NTM: variants seen among roughly 807,000 people sequenced by gnomAD.
NTM encodes the protein neurotrimin.
Under a neutral mutation model 42.1 loss-of-function variants are expected in NTM, and 13 were observed. That is an observed-to-expected ratio of 0.31 (90% CI 0.20 to 0.49). The LOEUF is 0.49. Among genes scored for constraint, NTM ranks in the 20% least tolerant of loss-of-function variants. The pLI, the probability that NTM is intolerant of heterozygous loss-of-function variation, is 0.99. For synonymous variants in NTM, 187 were observed against 179.2 expected, an observed-to-expected ratio of 1.04 and a Z score of -0.35; for missense variants, 373 against 452.8, an observed-to-expected ratio of 0.82 and a Z score of 1.60.
intron 4 of NTM, among the ~76,000 whole-genome samples, chr11:132,228,346 T>C (rs1474930772): frequency 1.3e-5 from 2 of 152,164 alleles, no homozygotes; most frequent in Non-Finnish European, 2.9e-5. Context: ...GTTTCAATAA[T>C]GTTAGGGATG....
chr11:131,381,532 CAT>C lies in NTM; in HGVS notation c.82+10647_82+10648del, dbSNP rs200159633. On this transcript the variant is annotated intron_variant, in intron 1 of 8. Coordinates refer to ENST00000683400, the MANE Select transcript of NTM (RefSeq NM_001352005.2). Reference sequence around the variant, plus strand: ...CTTCCTAATAAAAGGATCTAAATGCCATATTGTCATTTTTTTTCCGTTATTTT... The same window carrying C: ...CTTCCTAATAAAAGGATCTAAATGCCATTGTCATTTTTTTTCCGTTATTTT... 8.5e-3 allele frequency among the ~76,000 whole-genome samples: 1,300 copies of C among 152,206 alleles called. 16 individuals carry two copies. Among genetic ancestry groups the C allele is most frequent in the African/African-American group, 0.03 (1,239 of 41,490 alleles).
chr11:132,136,073 C>G (rs1264338019), intron 2 of NTM, among the ~76,000 whole-genome samples: 2 of 152,208 alleles, frequency 1.3e-5, no homozygotes, highest in Non-Finnish European at 2.9e-5. Context: ...CCCTTCCTCT[C>G]AGCCTCCTCA....
chr11:131,761,637 T>A (rs1591659700), intron 1 of NTM, among the ~76,000 whole-genome samples: 1 of 151,666 alleles, frequency 6.6e-6, no homozygotes, highest in African/African-American at 2.4e-5. Context: ...AGAAACCCCA[T>A]CTCTACTAAA....
chr11:132,249,105 G>A (rs2139348962), intron 4 of NTM, among the ~76,000 whole-genome samples: 1 of 152,316 alleles, frequency 6.6e-6, no homozygotes, highest in Middle Eastern at 3.4e-3. Flanking sequence ...CTCTGAAAGT[G>A]ATTTTGGCCT....
At chr11:131,733,591 G>A (rs1355080507) in intron 1 of NTM, among the ~76,000 whole-genome samples, 3 of 151,068 alleles carry the variant, frequency 2.0e-5, no homozygotes, top group East Asian at 2.0e-4. Flanking sequence ...GCAGTGGTGC[G>A]ATCTCAGCTC....
At chr11:131,930,666 T>C (rs1197926368) in intron 2 of NTM, among the ~76,000 whole-genome samples, 2 of 150,750 alleles carry the variant, frequency 1.3e-5, no homozygotes, top group East Asian at 3.8e-4. Context: ...CTTGAGGAGA[T>C]CACCACTGGC....
At chr11:131,376,936 A>G (rs947401277) in intron 1 of NTM, among the ~76,000 whole-genome samples, 1 of 152,208 alleles carries the variant, frequency 6.6e-6, no homozygotes, top group African/African-American at 2.4e-5. Context: ...GAGATAAAAC[A>G]GCGATGAAAA....
chr11:131,542,149 GT>G (rs1345422433), intron 1 of NTM, among the ~76,000 whole-genome samples: 1 of 152,174 alleles, frequency 6.6e-6, no homozygotes, highest in Non-Finnish European at 1.5e-5. Flanking sequence ...TCCATGTGTT[GT>G]TTGCATTAAA....
intron 2 of NTM, among the ~76,000 whole-genome samples, chr11:132,137,485 CTT>C (rs748112505): frequency 6.6e-6 from 1 of 152,204 alleles, no homozygotes; most frequent in Non-Finnish European, 1.5e-5. Flanking sequence ...AATGCAGACT[CTT>C]TCTTTCACGA....
intron 3 of NTM, among the ~76,000 whole-genome samples, chr11:132,167,918 G>T (rs1027169845): frequency 7.9e-5 from 12 of 152,212 alleles, no homozygotes; most frequent in Admixed American, 2.6e-4. Flanking sequence ...ACAACGGGAA[G>T]AATCACTTCC....
intron 1 of NTM, among the ~76,000 whole-genome samples, chr11:131,479,880 T>C (rs936702717): frequency 6.6e-6 from 1 of 152,136 alleles, no homozygotes; most frequent in African/African-American, 2.4e-5. Flanking sequence ...AATATTAACA[T>C]TTTGATAAAT....
chr11:131,467,316 G>C (rs936767512), intron 1 of NTM, among the ~76,000 whole-genome samples: 1 of 152,124 alleles, frequency 6.6e-6, no homozygotes, highest in Non-Finnish European at 1.5e-5. Context: ...GCATTTCCAC[G>C]GGAGATGAGT....
At chr11:131,559,288 G>A (rs1015404358) in intron 1 of NTM, among the ~76,000 whole-genome samples, 19 of 152,258 alleles carry the variant, frequency 1.2e-4, no homozygotes, top group African/African-American at 3.9e-4. Context: ...TGGCTATTCC[G>A]AACAGTATTT....
chr11:131,771,775 ACAGT>A (rs1360391456), intron 1 of NTM: 1 of 152,190 alleles, frequency 6.6e-6, no homozygotes, highest in Non-Finnish European at 1.5e-5. Context: ...CATTTCTGAG[ACAGT>A]CAGGTTGTTT....
chr11:131,604,261 CATTTCCCTAATG>C (rs1440645009), intron 1 of NTM, among the ~76,000 whole-genome samples: 1 of 152,084 alleles, frequency 6.6e-6, no homozygotes, highest in Non-Finnish European at 1.5e-5. Context: ...TTTTGATTTG[CATTTCCCTAATG>C]AGTAATGATG....
intron 1 of NTM, among the ~76,000 whole-genome samples, chr11:131,489,934 C>T (rs1326478826): frequency 1.3e-5 from 2 of 152,208 alleles, no homozygotes; most frequent in Non-Finnish European, 2.9e-5. Context: ...TATGGTTCTG[C>T]AACATAAACA....
chr11:131,919,252 T>C (rs1372270331), intron 2 of NTM, among the ~76,000 whole-genome samples: 3 of 152,150 alleles, frequency 2.0e-5, no homozygotes, highest in African/African-American at 7.2e-5. Flanking sequence ...CGTCCTTGTG[T>C]TATTTAAGGT....
At chr11:131,431,161 C>T (rs1314294699) in intron 1 of NTM, among the ~76,000 whole-genome samples, 1 of 152,186 alleles carries the variant, frequency 6.6e-6, no homozygotes, top group Non-Finnish European at 1.5e-5. Context: ...TTCAGGATTG[C>T]AGCTTTCACG....
intron 1 of NTM, among the ~76,000 whole-genome samples, chr11:131,710,067 G>C (rs1231204227): frequency 6.6e-6 from 1 of 152,152 alleles, no homozygotes; most frequent in African/African-American, 2.4e-5. Flanking sequence ...ACCTTGACAA[G>C]AACAATGTGA....
Sources: allele counts gnomAD v4.1 joint callset (sites outside exome capture counted in the v4.1 genomes callset), GRCh38; gene constraint gnomAD v4.1.1; transcripts MANE v1.5; gene names NCBI Gene and HGNC (gene_info 2026-07-23, HGNC 2026-07-21).